The following CACNA2D1 variants were observed in gnomAD, a reference collection of about 807,000 sequenced individuals.
The protein encoded by CACNA2D1 is voltage-dependent calcium channel subunit alpha-2/delta-1.
A neutral mutation model predicts 171.5 loss-of-function variants in CACNA2D1; 53 were observed. The ratio of observed to expected loss-of-function variants is 0.31; its 90% CI spans 0.25 to 0.39. The LOEUF (loss-of-function observed/expected upper bound fraction) is 0.39, where lower values mean the gene tolerates loss of function less well. Among genes scored for constraint, CACNA2D1 ranks in the 10% least tolerant of loss-of-function variants. CACNA2D1 has a pLI of 1.00. For synonymous variants in CACNA2D1, 442 were observed against 443.1 expected, an observed-to-expected ratio of 1.00 and a Z score of 0.03; for missense variants, 903 against 1,299.8, an observed-to-expected ratio of 0.69 and a Z score of 4.69.
At chr7:82,417,680 T>C (rs553592607) in intron 1 of CACNA2D1, among the ~76,000 whole-genome samples, 72 of 152,090 alleles carry the variant, frequency 4.7e-4, no homozygotes, top group Non-Finnish European at 5.9e-5. Flanking sequence ...AACATGACAG[T>C]AAACAAAGGG....
At chr7:82,133,081 A>G (rs898170880) in intron 5 of CACNA2D1, among the ~76,000 whole-genome samples, 1 of 152,138 alleles carries the variant, frequency 6.6e-6, no homozygotes, top group African/African-American at 2.4e-5. Context: ...GTAGAATTAT[A>G]TTTCCTCATG....
intron 3 of CACNA2D1, among the ~76,000 whole-genome samples, chr7:82,236,756 G>GA (rs1448754815): frequency 6.6e-6 from 1 of 151,876 alleles, no homozygotes; most frequent in Non-Finnish European, 1.5e-5. Context: ...AAAAGTAGAA[G>GA]AAAAAACAGT....
In CACNA2D1 at chr7:82,235,779, G is replaced by A. The variant is rs142742795; in HGVS notation, c.295-65170C>T. Reference sequence around the variant, plus strand: ...TACTCTGGTGGTTGGAGGATATTTCGGCTTTGAGATAACATTATGACAAGC... The same window carrying A: ...TACTCTGGTGGTTGGAGGATATTTCAGCTTTGAGATAACATTATGACAAGC... On this transcript the variant is annotated intron_variant, in intron 3 of 38. Coordinates refer to ENST00000356860, the MANE Select transcript of CACNA2D1 (RefSeq NM_000722.4). Among the ~76,000 whole-genome samples, 42 of 151,918 alleles carry A rather than the reference G, an allele frequency of 2.8e-4. 2 individuals are homozygous for A. In the East Asian group the frequency reaches 7.2e-3, roughly 26 times the overall value.
intron 3 of CACNA2D1, among the ~76,000 whole-genome samples, chr7:82,326,387 T>C (rs1816651035): frequency 6.6e-6 from 1 of 152,202 alleles, no homozygotes; most frequent in South Asian, 2.1e-4. Flanking sequence ...GAACTTACTG[T>C]ATACACAGCT....
intron 10 of CACNA2D1, among the ~76,000 whole-genome samples, chr7:82,049,259 C>T (rs1331779134): frequency 6.6e-6 from 1 of 151,588 alleles, no homozygotes; most frequent in Non-Finnish European, 1.5e-5. Flanking sequence ...AATGAAAATA[C>T]TTTTATAAAG....
intron 25 of CACNA2D1, among the ~76,000 whole-genome samples, chr7:81,972,129 A>G (rs1795344192): frequency 6.6e-6 from 1 of 151,798 alleles, no homozygotes; most frequent in African/African-American, 2.4e-5. Context: ...GAAATAAGCT[A>G]TGTTAAGAAA....
intron 1 of CACNA2D1, among the ~76,000 whole-genome samples, chr7:82,423,922 G>A (rs936690391): frequency 6.6e-6 from 1 of 152,124 alleles, no homozygotes; most frequent in Non-Finnish European, 1.5e-5. Flanking sequence ...AAACAGTTTG[G>A]AAAGAGTAAT....
At chr7:82,092,150 A>C (rs1811247732) in intron 6 of CACNA2D1, among the ~76,000 whole-genome samples, 1 of 152,210 alleles carries the variant, frequency 6.6e-6, no homozygotes, top group South Asian at 2.1e-4. Context: ...TACATAGAGC[A>C]ATTAGAATGT....
At chr7:82,422,458 T>C (rs1036819802) in intron 1 of CACNA2D1, among the ~76,000 whole-genome samples, 5 of 152,162 alleles carry the variant, frequency 3.3e-5, no homozygotes, top group African/African-American at 1.2e-4. Flanking sequence ...ACTATTTATA[T>C]TGGTATTCTT....
chr7:82,295,616 A>G (rs1812175553), intron 3 of CACNA2D1, among the ~76,000 whole-genome samples: 1 of 151,788 alleles, frequency 6.6e-6, no homozygotes, highest in Non-Finnish European at 1.5e-5. Flanking sequence ...TCAGCCTCCC[A>G]AAGTGTTGAG....
intron 4 of CACNA2D1, among the ~76,000 whole-genome samples, chr7:82,158,457 G>A (rs948142594): frequency 2.3e-5 from 3 of 128,764 alleles, no homozygotes; most frequent in African/African-American, 8.9e-5. Flanking sequence ...AAGCAAACAG[G>A]GGAAATGGAA....
chr7:81,964,013 A>G (rs777534082), intron 34 of CACNA2D1, 43 bp downstream of exon 34: 1 of 1,518,448 alleles, frequency 6.6e-7, no homozygotes, highest in Non-Finnish European at 9.1e-7. Flanking sequence ...TTATTTTACA[A>G]CTTCTTTCTT....
At position 82,275,095 on chromosome 7, in the gene CACNA2D1, T is replaced by C. The variant is rs572546935; in HGVS notation, c.294+60040A>G. 2.6e-5 allele frequency among the ~76,000 whole-genome samples: 4 copies of C among 152,304 alleles called. No individual in the cohort carries two copies. In the South Asian group the frequency reaches 8.3e-4, roughly 32 times the overall value. Reference sequence around the variant, plus strand: ...CAAATTTGATATGAAATATATAGACTGCTTTACAATGCACAGCTTTTTCCA... The same window carrying C: ...CAAATTTGATATGAAATATATAGACCGCTTTACAATGCACAGCTTTTTCCA... On this transcript the variant is annotated intron_variant, in intron 3 of 38. Coordinates refer to ENST00000356860, the MANE Select transcript of CACNA2D1 (RefSeq NM_000722.4).
intron 1 of CACNA2D1, among the ~76,000 whole-genome samples, chr7:82,351,418 C>T (rs1819832742): frequency 6.6e-6 from 1 of 151,362 alleles, no homozygotes; most frequent in South Asian, 2.1e-4. Flanking sequence ...AATGGAAAGC[C>T]AGTTATAAAA....
chr7:82,226,690 G>A (rs190964895), intron 3 of CACNA2D1, among the ~76,000 whole-genome samples: 156 of 152,254 alleles, frequency 1.0e-3, no homozygotes, highest in African/African-American at 3.5e-3. Context: ...CCTATAGGAA[G>A]AAGAAATAAA....
At chr7:82,248,308 C>T (rs1443677156) in intron 3 of CACNA2D1, among the ~76,000 whole-genome samples, 1 of 152,072 alleles carries the variant, frequency 6.6e-6, no homozygotes, top group Non-Finnish European at 1.5e-5. Context: ...TTTCCCTAGG[C>T]CCTCTTTTTG....
intron 5 of CACNA2D1, among the ~76,000 whole-genome samples, chr7:82,124,676 G>A (rs774117528): frequency 1.7e-4 from 26 of 152,088 alleles, no homozygotes; most frequent in Non-Finnish European, 2.8e-4. Context: ...GCTCAAGCCC[G>A]CTCCTACTCT....
At chr7:82,298,667 C>T (rs1427227280) in intron 3 of CACNA2D1, among the ~76,000 whole-genome samples, 2 of 151,914 alleles carry the variant, frequency 1.3e-5, no homozygotes, top group Non-Finnish European at 1.5e-5. Context: ...CCTCTAACTC[C>T]TAGGCTTGAG....
intron 4 of CACNA2D1, among the ~76,000 whole-genome samples, chr7:82,165,958 C>A (rs1268460651): frequency 1.3e-5 from 2 of 151,970 alleles, no homozygotes; most frequent in African/African-American, 4.8e-5. Flanking sequence ...AAAGTCAGTT[C>A]TTTCAATATC....
Sources: allele counts gnomAD v4.1 joint callset (sites outside exome capture counted in the v4.1 genomes callset), GRCh38; gene constraint gnomAD v4.1.1; transcripts MANE v1.5; gene names NCBI Gene and HGNC (gene_info 2026-07-23, HGNC 2026-07-21).